SYNPO2: variants seen among roughly 807,000 people sequenced by gnomAD.
SYNPO2 encodes the protein synaptopodin-2.
A neutral mutation model predicts 85.0 loss-of-function variants in SYNPO2; 56 were observed. The observed-to-expected ratio is 0.66, with a 90% CI of 0.53 to 0.82. The LOEUF is 0.82. SYNPO2 is among the 40% of genes least tolerant of loss of function. The pLI, the probability that SYNPO2 is intolerant of heterozygous loss-of-function variation, is 0.00. For missense variants in SYNPO2, 1,575 were observed against 1,534.2 expected (o/e 1.03, Z -0.44); for synonymous variants, 602 against 591.1 (o/e 1.02, Z -0.27).
At chr4:119,048,247 C>T (rs1056743618) in intron 4 of SYNPO2, among the ~76,000 whole-genome samples, 1 of 151,994 alleles carries the variant, frequency 6.6e-6, no homozygotes, top group African/African-American at 2.4e-5. Flanking sequence ...TGTTTGTGTC[C>T]CTTGTCACAT....
chr4:118,930,876 G>C (rs957776), intron 1 of SYNPO2, among the ~76,000 whole-genome samples: 85,905 of 149,392 alleles, frequency 0.58, 26,635 homozygotes, highest in East Asian at 0.82. Context: ...CATGTTAGTG[G>C]CACTGCACTC....
At chr4:118,913,281 G>A (rs974061994) in intron 1 of SYNPO2, among the ~76,000 whole-genome samples, 1 of 152,136 alleles carries the variant, frequency 6.6e-6, no homozygotes, top group African/African-American at 2.4e-5. Context: ...GAGCAATAAA[G>A]AGAAGTGTTA....
At chr4:118,908,898 A>G (rs1308792637) in intron 1 of SYNPO2, among the ~76,000 whole-genome samples, 1 of 152,166 alleles carries the variant, frequency 6.6e-6, no homozygotes, top group African/African-American at 2.4e-5. Flanking sequence ...TAGTTTTAAT[A>G]TTGCTTAAAG....
intron 1 of SYNPO2, among the ~76,000 whole-genome samples, chr4:118,890,591 T>C (rs1243835670): frequency 6.9e-6 from 1 of 145,110 alleles, no homozygotes; most frequent in Non-Finnish European, 1.5e-5. Flanking sequence ...GAGTCTAGAA[T>C]AGCAGTTGGC....
At chr4:118,886,151 T>TA (rs1578519185), upstream of SYNPO2, among the ~76,000 whole-genome samples, 1 of 152,248 alleles carries the variant, frequency 6.6e-6, no homozygotes, top group Admixed American at 6.5e-5. Context: ...AATTTGAAGC[T>TA]AGACTTGAGT....
intron 1 of SYNPO2, among the ~76,000 whole-genome samples, chr4:118,913,543 A>C (rs566345343): frequency 6.6e-4 from 98 of 149,364 alleles, no homozygotes; most frequent in Non-Finnish European, 1.2e-3. Flanking sequence ...GCTCATCTTG[A>C]GCCTTCTTTC....
chr4:118,948,247 G>A (rs17261493), intron 1 of SYNPO2, among the ~76,000 whole-genome samples: 15,350 of 152,150 alleles, frequency 0.1, 870 homozygotes, highest in East Asian at 0.16. Context: ...ACAGAATGAA[G>A]AACCAATTAA....
At chr4:119,037,460 T>C (rs761065962) in intron 4 of SYNPO2, 22 of 1,071,562 alleles carry the variant, frequency 2.1e-5, no homozygotes, top group Non-Finnish European at 2.5e-5. Flanking sequence ...CATAGTGTTT[T>C]CATTTGTCTT....
At chr4:118,948,915 A>G (rs550179781) in intron 1 of SYNPO2, among the ~76,000 whole-genome samples, 8 of 152,228 alleles carry the variant, frequency 5.3e-5, no homozygotes, top group Non-Finnish European at 8.8e-5. Context: ...CTGCAGTTAG[A>G]GTTGCTCCTC....
intron 1 of SYNPO2, among the ~76,000 whole-genome samples, chr4:118,942,975 C>T (rs1173772819): frequency 6.6e-6 from 1 of 152,038 alleles, no homozygotes; most frequent in Non-Finnish European, 1.5e-5. Flanking sequence ...GGCATGGGGG[C>T]ATGCGCCTGT....
chr4:118,980,111 AATC>A (rs59278872), intron 1 of SYNPO2, among the ~76,000 whole-genome samples: 11,732 of 152,266 alleles, frequency 0.077, 565 homozygotes, highest in East Asian at 0.13. Context: ...AATGAAAATA[AATC>A]ATATTAGTTT....
Position 118,903,959 on chromosome 4 carries a change from G to A in SYNPO2, c.105+14818G>A, listed in dbSNP as rs143130787. ...TCTTGATCTCCTGACCTCGTGATCC[G>A]CCCACCTCAGCCTCCCAAAGTGCTA... On this transcript the variant is annotated intron_variant, in intron 1 of 4. Coordinates refer to ENST00000307142, the MANE Select transcript of SYNPO2 (RefSeq NM_133477.3). 5.7e-3 allele frequency among the ~76,000 whole-genome samples: 862 copies of A among 151,984 alleles called. 13 individuals are homozygous for A. The highest frequency in any genetic ancestry group is 0.02 in the African/African-American group (810 of 41,442).
At chr4:118,898,846 A>C (rs1414378187) in intron 1 of SYNPO2, among the ~76,000 whole-genome samples, 1 of 152,148 alleles carries the variant, frequency 6.6e-6, no homozygotes, top group Non-Finnish European at 1.5e-5. Context: ...AAAATACCAC[A>C]GTTCTCTCAA....
intron 1 of SYNPO2, among the ~76,000 whole-genome samples, chr4:118,964,719 T>G (rs1389455046): frequency 6.6e-6 from 1 of 152,168 alleles, no homozygotes; most frequent in East Asian, 1.9e-4. Flanking sequence ...GAAGAAAGTT[T>G]ACGGTAAAGC....
At chr4:118,977,141 T>G (rs1421033765) in intron 1 of SYNPO2, among the ~76,000 whole-genome samples, 1 of 152,124 alleles carries the variant, frequency 6.6e-6, no homozygotes, top group South Asian at 2.1e-4. Flanking sequence ...CAGGAGCCCA[T>G]GGAGGGGGTG....
Position 119,057,272 on chromosome 4 carries a change from G to A in SYNPO2, c.3253-129G>A, listed in dbSNP as rs1739234577. The A allele has an allele frequency of 6.5e-6, 7 of 1,073,834 alleles. No homozygotes were observed. The East Asian group carries it at 1.7e-4, about 26-fold the overall frequency. The allele number at this position is 1,073,834 out of a possible 1,614,324, so 66.5% of individuals were successfully genotyped here. A position where few individuals can be genotyped will look rare whatever the true frequency, so the allele number is the denominator to read the frequency against. On this transcript the variant is annotated intron_variant, in intron 4 of 4. Coordinates refer to ENST00000307142, the MANE Select transcript of SYNPO2 (RefSeq NM_133477.3). The stretch of plus-strand genomic sequence containing the variant: ...CTGGCTTTAAGACTAAGCATTCTGG[G>A]GGGTTAATTTATTTTTATTTTTATT...
rs60067505 is a variant in SYNPO2 at position 119,055,157 on chromosome 4, ATTTT to A, written c.3253-2235_3253-2232del. Among the ~76,000 whole-genome samples, 52 of 129,490 alleles carry A rather than the reference ATTTT, an allele frequency of 4.0e-4. 1 individual carries two copies. The highest frequency in any genetic ancestry group is 2.6e-4 in the Non-Finnish European group (17 of 65,460). The allele number at this position is 129,490 out of a possible 152,430, so 85.0% of individuals were successfully genotyped here. On this transcript the variant is annotated intron_variant, in intron 4 of 4. Transcript: ENST00000307142. ...CTTGTTTCTTATTATTTATTTATTT[ATTTT>A]TTTTTTTTGAGACAGAGTCTTGCTC...
chr4:118,971,639 G>T (rs975403266), intron 1 of SYNPO2, among the ~76,000 whole-genome samples: 1 of 152,236 alleles, frequency 6.6e-6, no homozygotes, highest in African/African-American at 2.4e-5. Context: ...GCCTGCTAGG[G>T]CAGGGTTTGC....
At chr4:119,032,254 C>A in intron 4 of SYNPO2, 2 of 1,416,238 alleles carry the variant, frequency 1.4e-6, no homozygotes, top group Non-Finnish European at 9.2e-7. Flanking sequence ...TATTTATCTT[C>A]TTTGCACACT....
Sources: allele counts gnomAD v4.1 joint callset (sites outside exome capture counted in the v4.1 genomes callset), GRCh38; gene constraint gnomAD v4.1.1; transcripts MANE v1.5; gene names NCBI Gene and HGNC (gene_info 2026-07-23, HGNC 2026-07-21).